The following BICRA variants were observed in gnomAD, a reference collection of about 807,000 sequenced individuals.
The protein encoded by BICRA is BRD4-interacting chromatin-remodeling complex-associated protein.
BICRA carries 31 observed loss-of-function variants against 96.9 expected under a neutral mutation model. That is an observed-to-expected ratio of 0.32 (90% CI 0.24 to 0.43). BICRA has a LOEUF of 0.43. Ranked by LOEUF, BICRA falls within the 20% of genes least tolerant of loss-of-function variation. The pLI, the probability that BICRA is intolerant of heterozygous loss-of-function variation, is 1.00. For synonymous variants in BICRA, 1,350 were observed against 1,071.8 expected, an observed-to-expected ratio of 1.26 and a Z score of -5.07; for missense variants, 2,283 against 2,190.3, an observed-to-expected ratio of 1.04 and a Z score of -0.84.
chr19:47,688,018 A>AT (rs1973185357), intron 7 of BICRA, among the ~76,000 whole-genome samples: 1 of 152,006 alleles, frequency 6.6e-6, no homozygotes, highest in Admixed American at 6.6e-5. Context: ...GACACACGAG[A>AT]TTAGCAGCTG....
In BICRA at chr19:47,699,399, A is replaced by G; in HGVS notation, c.3589A>G (p.Lys1197Glu). The G allele has an allele frequency of 6.5e-7, 1 of 1,546,554 alleles. No individual in the cohort carries two copies. The highest frequency in any genetic ancestry group is 8.8e-7 in the Non-Finnish European group (1 of 1,140,180). ...CTTGGATAAACAGCTGGCCAAGGAG[A>G]AGCCGGGTGAGAGGGGGGAGTGAGA... ...LALDKQLAKE[K>E]PDEYVSSSRS... is the part of the protein sequence containing the mutation. Residue 1197 changes from lysine to glutamate, a missense_variant, in exon 14 of 15, where the codon AAG becomes GAG. Lys to Glu is a moderately conservative substitution (Grantham distance 56, BLOSUM62 1). Coordinates refer to ENST00000594866, the MANE Select transcript of BICRA (RefSeq NM_001394372.1). This position sits in a 1 kb window ranked among gnomAD's most constrained non-coding sequence, Gnocchi z 5.0.
chr19:47,665,035 GC>G (rs919381731), intron 1 of BICRA, among the ~76,000 whole-genome samples: 1 of 87,840 alleles, frequency 1.1e-5, no homozygotes, highest in Non-Finnish European at 2.4e-5. Context: ...CCACCCCCCC[GC>G]CCCCCCACTC....
chr19:47,697,351 C>T (rs1286773082), intron 11 of BICRA, among the ~76,000 whole-genome samples: 1 of 150,146 alleles, frequency 6.7e-6, no homozygotes, highest in Non-Finnish European at 1.5e-5. Context: ...CGAGATCATG[C>T]CATTGCACTT....
chr19:47,701,383 G>A lies in BICRA; in HGVS notation c.3651G>A (p.Glu1217=), dbSNP rs1284442880. The A allele has an allele frequency of 1.2e-6, 2 of 1,609,962 alleles. No individual in the cohort carries two copies. Among genetic ancestry groups the A allele is most frequent in the East Asian group, 2.2e-5 (1 of 44,726 alleles). The change falls in exon 15 of 15, where the codon GAG becomes GAA. Residue 1217 remains glutamate (E), a synonymous_variant. Coordinates refer to ENST00000594866, the MANE Select transcript of BICRA (RefSeq NM_001394372.1). This position sits in a 1 kb window ranked among gnomAD's most constrained non-coding sequence, Gnocchi z 5.4. ...GCCTCCCCATCGCAGCCTCTTCCGA[G>A]GGTCATCGGCTTCCCGGCCACGGCC... The part of the protein sequence containing the change: ...SLGLPIAASS[E]GHRLPGHGPL...
chr19:47,633,079 T>TA (rs1972244433), intron 1 of BICRA, among the ~76,000 whole-genome samples: 2 of 116,904 alleles, frequency 1.7e-5, no homozygotes, highest in Admixed American at 2.2e-4. Flanking sequence ...TGATTTTATT[T>TA]CTTTTTTTTT....
intron 1 of BICRA, among the ~76,000 whole-genome samples, chr19:47,665,930 G>A (rs1972772016): frequency 6.6e-6 from 1 of 152,212 alleles, no homozygotes; most frequent in African/African-American, 2.4e-5. Flanking sequence ...AGTGGGGCCG[G>A]GGACTTCTGT....
At chr19:47,630,309 C>T (rs138048434) in intron 1 of BICRA, among the ~76,000 whole-genome samples, 4,056 of 151,956 alleles carry the variant, frequency 0.027, 166 homozygotes, top group African/African-American at 0.092. Flanking sequence ...TATAGGCGTC[C>T]GCCACCACGC....
chr19:47,633,612 A>G (rs2123525722), intron 1 of BICRA, among the ~76,000 whole-genome samples: 1 of 152,310 alleles, frequency 6.6e-6, no homozygotes, highest in African/African-American at 2.4e-5. Context: ...AGGAAATAAT[A>G]GAGTAGAGAT....
chr19:47,680,376 G>A lies in BICRA; in HGVS notation c.1206G>A (p.Ala402=), dbSNP rs371215563. Residue 402 remains alanine, a synonymous_variant, in exon 6 of 15, where the codon GCG becomes GCA. Coordinates refer to ENST00000594866, the MANE Select transcript of BICRA (RefSeq NM_001394372.1). ...KAPQNLTFMA[A]GKAGQNVVLS... Reference sequence around the variant, plus strand: ...CGCAGAACCTGACGTTCATGGCGGCGGGGAAGGCGGGCCAGAACGTGGTGC... The same window carrying A: ...CGCAGAACCTGACGTTCATGGCGGCAGGGAAGGCGGGCCAGAACGTGGTGC... 2 of 1,530,170 alleles carry A rather than the reference G, an allele frequency of 1.3e-6. No individual in the cohort carries two copies. The highest frequency in any genetic ancestry group is 1.7e-4 in the Middle Eastern group (1 of 5,964). 94.8% of individuals were successfully genotyped at this position (1,530,170 alleles called of 1,614,324 possible).
At chr19:47,683,961 A>G (rs1973106492) in intron 7 of BICRA, among the ~76,000 whole-genome samples, 1 of 152,198 alleles carries the variant, frequency 6.6e-6, no homozygotes, top group Non-Finnish European at 1.5e-5. Context: ...GGAGAGTGTG[A>G]CAGTGACAAG....
chr19:47,680,354 A>G lies in BICRA; in HGVS notation c.1184A>G (p.Gln395Arg). 1 of 1,531,006 alleles carries G rather than the reference A, an allele frequency of 6.5e-7. No homozygotes were observed. The highest frequency in any genetic ancestry group is 1.2e-5 in the South Asian group (1 of 83,532). The allele number at this position is 1,531,006 out of a possible 1,614,324, so 94.8% of individuals were successfully genotyped here. A position where few individuals can be genotyped will look rare whatever the true frequency, so the allele number is the denominator to read the frequency against. ...CTCCCGCAGCAGCCCAAGGCCCCGC[A>G]GAACCTGACGTTCATGGCGGCGGGG... is the stretch of plus-strand genomic sequence containing the variant. The part of the protein sequence containing the change: ...GALPQQPKAP[Q>R]NLTFMAAGKA... Residue 395 changes from glutamine to arginine, a missense_variant, in exon 6 of 15, where the codon CAG becomes CGG. By Grantham distance (43) the Gln-to-Arg change is conservative (BLOSUM62 1). Transcript: ENST00000594866.
chr19:47,629,664 GT>G (rs1199820719), intron 1 of BICRA, among the ~76,000 whole-genome samples: 58 of 146,192 alleles, frequency 4.0e-4, no homozygotes, highest in African/African-American at 1.4e-3. Context: ...TTTTTTTTGT[GT>G]GGTTTTTTTT....
chr19:47,693,316 G>T (rs2162938), intron 7 of BICRA, among the ~76,000 whole-genome samples: 4 of 152,104 alleles, frequency 2.6e-5, no homozygotes. Flanking sequence ...ACCAGATCGC[G>T]TGTGCTTGCA....
At chr19:47,696,948 C>A (rs1973354034) in intron 11 of BICRA, among the ~76,000 whole-genome samples, 1 of 151,690 alleles carries the variant, frequency 6.6e-6, no homozygotes, top group African/African-American at 2.4e-5. Context: ...TGGGTAAATG[C>A]TGGATGCCTG....
In BICRA at chr19:47,673,586, G is replaced by A; in HGVS notation, c.12G>A (p.Glu4=). The A allele has an allele frequency of 6.2e-7, 1 of 1,613,132 alleles. No homozygotes were observed. The highest frequency in any genetic ancestry group is 8.5e-7 in the Non-Finnish European group (1 of 1,179,182). ...CCCATCCAGTGGCGATGGATGATGA[G>A]GATGGGAGATGCTTACTAGACGTGA... MDD[E]DGRCLLDVIC... The change falls in exon 3 of 15, where the codon GAG becomes GAA. Residue 4 remains glutamate (E), a synonymous_variant. Coordinates refer to ENST00000594866, the MANE Select transcript of BICRA (RefSeq NM_001394372.1).
intron 1 of BICRA, among the ~76,000 whole-genome samples, chr19:47,667,166 C>T (rs930835820): frequency 2.6e-5 from 4 of 152,082 alleles, no homozygotes; most frequent in African/African-American, 9.7e-5. Flanking sequence ...CTACAGGCGC[C>T]CACCCCCACG....
At chr19:47,695,523 G>T in intron 10 of BICRA, 49 bp downstream of exon 10, 1 of 836,334 alleles carries the variant, frequency 1.2e-6, no homozygotes, top group Non-Finnish European at 2.0e-6. Flanking sequence ...GAGTCTTCGG[G>T]AACTGGGAAC....
Position 47,613,226 on chromosome 19 carries a change from C to T in BICRA, c.-108+4058C>T, listed in dbSNP as rs73940898. Among the ~76,000 whole-genome samples the T allele has an allele frequency of 7.0e-3, 1,068 of 152,182 alleles. 22 individuals are homozygous for T. Among genetic ancestry groups the T allele is most frequent in the African/African-American group, 0.024 (997 of 41,530 alleles). On this transcript the variant is annotated intron_variant, in intron 1 of 14. Transcript: ENST00000594866. ...GGAGTTCCTGGGGGTGTATAAGGCT[C>T]CCCAGGTTCCCGTGGGCCACCTTGT...
chr19:47,638,613 T>TCTCA (rs1555785731), intron 1 of BICRA, among the ~76,000 whole-genome samples: 3 of 149,830 alleles, frequency 2.0e-5, no homozygotes, highest in Admixed American at 1.3e-4. Flanking sequence ...TCTCTCTCTG[T>TCTCA]CACACACACA....
Sources: allele counts gnomAD v4.1 joint callset (sites outside exome capture counted in the v4.1 genomes callset), GRCh38; gene constraint gnomAD v4.1.1; non-coding constraint Gnocchi (gnomAD v3.1); transcripts MANE v1.5; gene names NCBI Gene and HGNC (gene_info 2026-07-23, HGNC 2026-07-21).